The following RPS3 variants were observed in gnomAD, a reference collection of about 807,000 sequenced individuals.
RPS3 encodes ribosomal protein S3.
Under a neutral mutation model 25.8 loss-of-function variants are expected in RPS3, and 2 were observed. The observed-to-expected ratio is 0.08, with a 90% CI of 0.03 to 0.24. The LOEUF is 0.24. Among genes scored for constraint, RPS3 ranks in the 10% least tolerant of loss-of-function variants. RPS3 has a pLI of 1.00. For synonymous variants in RPS3, 114 were observed against 114.2 expected (o/e 1.00, Z 0.01); for missense variants, 107 against 307.1 (o/e 0.35, Z 4.87).
rs1430779775 is a variant in RPS3, at chr11:75,406,049, CCT to C, written c.*444_*445del. ...CTTTACATATGTACTCGTTAATCAA[CCT>C]CTCTAAAGTGTAAAGGAAATTTGCT... On this transcript the variant is annotated 3_prime_UTR_variant, in exon 7 of 7. Coordinates refer to ENST00000531188, the MANE Select transcript of RPS3 (RefSeq NM_001005.5). 1.9e-5 allele frequency: 3 copies of C among 155,670 alleles called. No individual in the cohort carries two copies. The highest frequency in any genetic ancestry group is 4.3e-5 in the Non-Finnish European group (3 of 70,284). The allele number at this position is 155,670 out of a possible 1,614,324, so 9.6% of individuals were successfully genotyped here.
Position 75,400,485 on chromosome 11 carries a change from G to T in RPS3, c.31-209G>T, listed in dbSNP as rs1289636925. On this transcript the variant is annotated intron_variant, in intron 1 of 6. Transcript: ENST00000531188. ...TGCGTTCTGTGGCACAGTTTAAAGA[G>T]CCCTGGTTGAAGTAATTTCCTAAAG... 5 of 701,190 alleles carry T rather than the reference G, an allele frequency of 7.1e-6. No individual in the cohort carries two copies. The Admixed American group carries it at 7.3e-5, about 10-fold the overall frequency. 43.4% of individuals were successfully genotyped at this position (701,190 alleles called of 1,614,324 possible).
In RPS3 at chr11:75,404,300, G is replaced by A; in HGVS notation, c.538+93G>A. The stretch of plus-strand genomic sequence containing the variant: ...GTATTTGGGGGAGTTTATCATGGAA[G>A]TAGCTGGGCATGTTCATATTCCTTG... On this transcript the variant is annotated intron_variant, in intron 5 of 6. Transcript: ENST00000531188. The surrounding 1 kb of genome is among the most constrained non-coding windows in gnomAD (Gnocchi z 4.6). The A allele has an allele frequency of 1.7e-6, 2 of 1,168,152 alleles. No homozygotes were observed. Among genetic ancestry groups the A allele is most frequent in the Non-Finnish European group, 2.5e-6 (2 of 793,170 alleles). 72.4% of individuals were successfully genotyped at this position (1,168,152 alleles called of 1,614,324 possible).
At chr11:75,407,532 C>T (rs368877644), downstream of RPS3, among the ~76,000 whole-genome samples, 54 of 152,172 alleles carry the variant, frequency 3.5e-4, no homozygotes, top group Middle Eastern at 3.4e-3. Flanking sequence ...AGTGCAGTGG[C>T]GCGATCTCTG....
chr11:75,411,451 G>T (rs1368207606), downstream of RPS3, among the ~76,000 whole-genome samples: 1 of 152,034 alleles, frequency 6.6e-6, no homozygotes. Flanking sequence ...GTGCAGTGGC[G>T]CAATCTCGGC....
At chr11:75,400,573 C>A in intron 1 of RPS3, 121 bp from the exon 2 acceptor site, 1 of 1,411,182 alleles carries the variant, frequency 7.1e-7, no homozygotes, top group Non-Finnish European at 9.9e-7. Flanking sequence ...GGGTTTGGAA[C>A]CATTGGTTGG....
chr11:75,411,743 A>G (rs112180522), downstream of RPS3, among the ~76,000 whole-genome samples: 25 of 152,268 alleles, frequency 1.6e-4, 2 homozygotes, highest in African/African-American at 5.8e-4. Context: ...TGCTTGACCA[A>G]ATGGCATTAC....
chr11:75,418,500 A>C (rs1948419019), intron 6 of RPS3, among the ~76,000 whole-genome samples: 1 of 152,228 alleles, frequency 6.6e-6, no homozygotes, highest in Non-Finnish European at 1.5e-5. Flanking sequence ...AAAGGTAAAA[A>C]AATTTTTTAA....
intron 6 of RPS3, among the ~76,000 whole-genome samples, chr11:75,412,367 C>G (rs1358030056): frequency 6.6e-6 from 1 of 152,174 alleles, no homozygotes; most frequent in African/African-American, 2.4e-5. Flanking sequence ...CTGGCTGGAC[C>G]TCTCTGCAGC....
rs1289071199 is a variant in RPS3, at chr11:75,405,617, C to T, written c.*7C>T. 2.2e-6 allele frequency: 1 copy of T among 455,980 alleles called. No individual in the cohort carries two copies. The allele number at this position is 455,980 out of a possible 1,614,324, so 28.2% of individuals were successfully genotyped here. A position where few individuals can be genotyped will look rare whatever the true frequency, so the allele number is the denominator to read the frequency against. On this transcript the variant is annotated 3_prime_UTR_variant, in exon 7 of 7. Coordinates refer to ENST00000531188, the MANE Select transcript of RPS3 (RefSeq NM_001005.5). ...TTTGTGCTTTATTTGGTTTCAGGGT[C>T]TCCTTGGCAGCTGTATTCTGGAGTC... is the stretch of plus-strand genomic sequence containing the variant.
Position 75,404,451 on chromosome 11 carries a change from A to G in RPS3, c.539-221A>G, listed in dbSNP as rs1948254460. ...GTGATGACACGATGACGAGTCAGAA[A>G]GGTCACGTCCTGCTCTTGGTCCTTG... On this transcript the variant is annotated intron_variant, in intron 5 of 6. Transcript: ENST00000531188. The surrounding 1 kb of genome is among the most constrained non-coding windows in gnomAD (Gnocchi z 4.6). 2 of 789,594 alleles carry G rather than the reference A, an allele frequency of 2.5e-6. No individual in the cohort carries two copies. The highest frequency in any genetic ancestry group is 1.7e-5 in the Admixed American group (1 of 58,934). 48.9% of individuals were successfully genotyped at this position (789,594 alleles called of 1,614,324 possible).
At chr11:75,418,435 G>GA (rs972327808) in intron 6 of RPS3, among the ~76,000 whole-genome samples, 91 of 152,194 alleles carry the variant, frequency 6.0e-4, no homozygotes, top group African/African-American at 2.1e-3. Context: ...AATCAAGATG[G>GA]AAAAAAGTTA....
chr11:75,407,954 T>C (rs960312788), downstream of RPS3, among the ~76,000 whole-genome samples: 2 of 152,082 alleles, frequency 1.3e-5, no homozygotes, highest in Non-Finnish European at 2.9e-5. Flanking sequence ...ACAAGAGTAA[T>C]AGCTTAAGGA....
rs765188011 is a variant in RPS3 at position 75,404,646 on chromosome 11, G to A, written c.539-26G>A. ...TGGGGGCCTTTGAGACCCCAGCTGT[G>A]TGCTAACAACTGTGGTGTCCTCTAG... On this transcript the variant is annotated intron_variant, in intron 5 of 6. Coordinates refer to ENST00000531188, the MANE Select transcript of RPS3 (RefSeq NM_001005.5). This position sits in a 1 kb window ranked among gnomAD's most constrained non-coding sequence, Gnocchi z 4.6. 6.3e-7 allele frequency: 1 copy of A among 1,595,802 alleles called. No homozygotes were observed. Among genetic ancestry groups the A allele is most frequent in the Admixed American group, 1.7e-5 (1 of 59,358 alleles).
intron 3 of RPS3, chr11:75,402,146 G>C: frequency 1.5e-6 from 1 of 654,648 alleles, no homozygotes; most frequent in East Asian, 2.8e-5. Flanking sequence ...GAAATGTCTT[G>C]GGCCACACTA....
intron 6 of RPS3, among the ~76,000 whole-genome samples, chr11:75,417,963 G>C (rs532751): frequency 6.6e-6 from 1 of 152,076 alleles, no homozygotes; most frequent in Admixed American, 6.5e-5. Context: ...GCCCAGCCTC[G>C]GCCCGGATCA....
chr11:75,413,249 A>AT (rs34936491), intron 6 of RPS3, among the ~76,000 whole-genome samples: 24,180 of 109,516 alleles, frequency 0.22, 2,302 homozygotes, highest in African/African-American at 0.38. Context: ...ATATATATAT[A>AT]TTTTTTTTTT....
Position 75,402,093 on chromosome 11 carries a change from G to C in RPS3, c.256-259G>C, listed in dbSNP as rs557581308. 20 of 565,174 alleles carry C rather than the reference G, an allele frequency of 3.5e-5. No homozygotes were observed. In the East Asian group the frequency reaches 5.6e-4, roughly 16 times the overall value. The allele number at this position is 565,174 out of a possible 1,614,324, so 35.0% of individuals were successfully genotyped here. A position where few individuals can be genotyped will look rare whatever the true frequency, so the allele number is the denominator to read the frequency against. ...CTGAAATTATATGCTGTATATGATG[G>C]TGGTGTCCGATCTTTTGGCCTCCGT... On this transcript the variant is annotated intron_variant, in intron 3 of 6. Coordinates refer to ENST00000531188, the MANE Select transcript of RPS3 (RefSeq NM_001005.5).
At chr11:75,405,112 T>TTCCCTTATCC in intron 6 of RPS3, 2 of 350,312 alleles carry the variant, frequency 5.7e-6, no homozygotes, top group East Asian at 9.1e-5. Flanking sequence ...TGAAATAGTT[T>TTCCCTTATCC]TCCCTTATCC....
downstream of RPS3, among the ~76,000 whole-genome samples, chr11:75,407,142 CTTT>C (rs942560637): frequency 3.3e-5 from 5 of 152,150 alleles, no homozygotes; most frequent in Admixed American, 2.0e-4. Flanking sequence ...GGATTCCTGT[CTTT>C]TTTATTTTTT....
Sources: gnomAD v4.1 joint callset for allele counts (sites outside exome capture counted in the v4.1 genomes callset) on GRCh38, gnomAD v4.1.1 for gene constraint, Gnocchi (gnomAD v3.1) non-coding constraint, MANE v1.5 for transcripts, NCBI Gene and HGNC (gene_info 2026-07-23, HGNC 2026-07-21) for gene names.